Variants in TEAD3 observed in about 807,000 individuals in gnomAD.
The protein encoded by TEAD3 is transcriptional enhancer factor TEF-5.
In TEAD3, 15 loss-of-function variants were observed where a neutral mutation model predicts 55.6. The ratio of observed to expected loss-of-function variants is 0.27; its 90% CI spans 0.18 to 0.42. The LOEUF is 0.42. Among genes scored for constraint, TEAD3 ranks in the 10% least tolerant of loss-of-function variants. TEAD3 has a pLI of 1.00. For synonymous variants in TEAD3, 210 were observed against 232.2 expected (o/e 0.90, Z 0.87); for missense variants, 407 against 576.8 (o/e 0.71, Z 3.01).
At position 35,475,980 on chromosome 6, in the gene TEAD3, C is replaced by T; in HGVS notation, c.839G>A (p.Gly280Glu). 6.4e-7 allele frequency: 1 copy of T among 1,563,366 alleles called. No individual in the cohort carries two copies. The highest frequency in any genetic ancestry group is 8.6e-7 in the Non-Finnish European group (1 of 1,156,260). ...CTTCTCATAGAGCTCCTTCAATCCT[C>T]CCTTTTTCTCGGGGAATTTGTCATA... Residue 280 changes from glycine to glutamate, a missense_variant, in exon 10 of 13, where the codon GGA becomes GAA. By Grantham distance (98) the Gly-to-Glu change is moderately conservative. Transcript: ENST00000639578. This position sits in a 1 kb window ranked among gnomAD's most constrained non-coding sequence, Gnocchi z 5.4.
intron 1 of TEAD3, among the ~76,000 whole-genome samples, chr6:35,487,348 T>C (rs539543338): frequency 2.6e-5 from 4 of 152,208 alleles, no homozygotes; most frequent in Admixed American, 1.3e-4. Flanking sequence ...GGTCAGGTGT[T>C]TGAGACCAGA....
intron 1 of TEAD3, among the ~76,000 whole-genome samples, chr6:35,492,571 A>G (rs1019009483): frequency 6.6e-6 from 1 of 151,952 alleles, no homozygotes. Flanking sequence ...TGCAGAGCCC[A>G]CTAGGAGGGA....
Position 35,484,442 on chromosome 6 carries a change from G to T in TEAD3, c.267+118C>A. Reference sequence around the variant, plus strand: ...AGGGGAGTGTGATGAGGCAAGGAGGGTGGCAGTCCAGGTCAGGGGCAGCCT... The same window carrying T: ...AGGGGAGTGTGATGAGGCAAGGAGGTTGGCAGTCCAGGTCAGGGGCAGCCT... On this transcript the variant is annotated intron_variant, in intron 3 of 12. Coordinates refer to ENST00000639578, the Ensembl canonical transcript of TEAD3. The surrounding 1 kb of genome is among the most constrained non-coding windows in gnomAD (Gnocchi z 5.8). 3.2e-6 allele frequency: 3 copies of T among 932,400 alleles called. No homozygotes were observed. The highest frequency in any genetic ancestry group is 1.5e-5 in the South Asian group (1 of 67,144). The allele number at this position is 932,400 out of a possible 1,614,324, so 57.8% of individuals were successfully genotyped here.
At chr6:35,490,226 C>T (rs946272599) in intron 1 of TEAD3, among the ~76,000 whole-genome samples, 1 of 152,226 alleles carries the variant, frequency 6.6e-6, no homozygotes, top group Non-Finnish European at 1.5e-5. Context: ...CCGCCCCGCC[C>T]CCCGCGGGAG....
rs572348553 is a variant in TEAD3 at position 35,475,255 on chromosome 6, C to T, written c.1194+81G>A. On this transcript the variant is annotated intron_variant, in intron 12 of 12. Coordinates refer to ENST00000639578, the Ensembl canonical transcript of TEAD3. This position sits in a 1 kb window ranked among gnomAD's most constrained non-coding sequence, Gnocchi z 5.4. Reference sequence around the variant, plus strand: ...CATTCTCCTTTCCGGATCTATGCCTCTCAGCCAAGCGATGTGTCTGGCTAC... The same window carrying T: ...CATTCTCCTTTCCGGATCTATGCCTTTCAGCCAAGCGATGTGTCTGGCTAC... 1.2e-6 allele frequency: 2 copies of T among 1,602,484 alleles called. No homozygotes were observed. The highest frequency in any genetic ancestry group is 1.3e-5 in the African/African-American group (1 of 74,816).
rs1768204560 is a variant in TEAD3 at position 35,478,686 on chromosome 6, G to A, written c.343-115C>T. On this transcript the variant is annotated intron_variant, in intron 5 of 12. Transcript: ENST00000639578. ...AAGCACTAGGATGGCAGGTGTTCCT[G>A]AAGATCCAGGCCTGGATTCCAGCCC... 4.5e-6 allele frequency: 6 copies of A among 1,347,660 alleles called. No homozygotes were observed. The South Asian group carries it at 7.5e-5, about 17-fold the overall frequency. The allele number at this position is 1,347,660 out of a possible 1,614,324, so 83.5% of individuals were successfully genotyped here.
chr6:35,484,157 C>A lies in TEAD3; in HGVS notation c.267+403G>T, dbSNP rs1439282962. Among the ~76,000 whole-genome samples the A allele has an allele frequency of 6.6e-6, 1 of 152,174 alleles. No individual in the cohort carries two copies. Among genetic ancestry groups the A allele is most frequent in the African/African-American group, 2.4e-5 (1 of 41,434 alleles). ...GCTGCTTGTCCCAGGGTGCCCTGCA[C>A]CCACCCTCTCTCAGCCCCGCCACCT... On this transcript the variant is annotated intron_variant, in intron 3 of 12. Transcript: ENST00000639578. The surrounding 1 kb of genome is among the most constrained non-coding windows in gnomAD (Gnocchi z 5.8).
chr6:35,485,892 GC>G lies in TEAD3; in HGVS notation c.202+568del, dbSNP rs1212242027. 6.6e-6 allele frequency among the ~76,000 whole-genome samples: 1 copy of G among 152,200 alleles called. No homozygotes were observed. Among genetic ancestry groups the G allele is most frequent in the East Asian group, 1.9e-4 (1 of 5,176 alleles). On this transcript the variant is annotated intron_variant, in intron 2 of 12. Transcript: ENST00000639578. The surrounding 1 kb of genome is among the most constrained non-coding windows in gnomAD (Gnocchi z 4.3). The stretch of plus-strand genomic sequence containing the variant: ...ATCCCAAAAATGCAGCTCTGGGAGA[GC>G]CCTCTCAGGGCTGGACAAGAGGGGA...
intron 7 of TEAD3, among the ~76,000 whole-genome samples, 190 bp from the exon 8 acceptor site, chr6:35,477,562 G>A (rs918955279): frequency 1.6e-4 from 24 of 151,950 alleles, no homozygotes; most frequent in African/African-American, 5.1e-4. Flanking sequence ...ATCCTGCTGC[G>A]TCTCCCAGCT....
chr6:35,476,279 A>G, intron 9 of TEAD3, 23 bp downstream of exon 9: 1 of 1,608,618 alleles, frequency 6.2e-7, no homozygotes, highest in Non-Finnish European at 8.5e-7. Context: ...GCAAAGCCTC[A>G]CCCTCACCCC....
chr6:35,479,190 TA>T, intron 5 of TEAD3, 114 bp downstream of exon 5: 1 of 1,417,426 alleles, frequency 7.1e-7, no homozygotes, highest in South Asian at 1.2e-5. Context: ...TTCGTTTTTT[TA>T]AAATGAGGCT....
intron 1 of TEAD3, among the ~76,000 whole-genome samples, chr6:35,495,297 G>C (rs1351274668): frequency 6.6e-6 from 1 of 152,186 alleles, no homozygotes. Flanking sequence ...ATGGGAGCAG[G>C]GCTCAGGACC....
chr6:35,475,530 C>T lies in TEAD3; in HGVS notation c.1041+36G>A. 6.2e-7 allele frequency: 1 copy of T among 1,604,106 alleles called. No individual in the cohort carries two copies. The highest frequency in any genetic ancestry group is 1.7e-5 in the Admixed American group (1 of 59,676). On this transcript the variant is annotated intron_variant, in intron 11 of 12. Transcript: ENST00000639578. The surrounding 1 kb of genome is among the most constrained non-coding windows in gnomAD (Gnocchi z 5.4). Reference sequence around the variant, plus strand: ...GAAGGCGTCACTCGGCCTGCCTGCTCCCAGCCCCACCAAGCCACCCAGAGC... The same window carrying T: ...GAAGGCGTCACTCGGCCTGCCTGCTTCCAGCCCCACCAAGCCACCCAGAGC...
chr6:35,478,900 G>C (rs1157612254), intron 5 of TEAD3, among the ~76,000 whole-genome samples: 7 of 115,478 alleles, frequency 6.1e-5, no homozygotes, highest in Admixed American at 5.4e-4. Flanking sequence ...TTTTTTTTGA[G>C]ACGGAGTCTC....
At chr6:35,493,122 C>T (rs891075408) in intron 1 of TEAD3, among the ~76,000 whole-genome samples, 6 of 152,258 alleles carry the variant, frequency 3.9e-5, no homozygotes, top group South Asian at 2.1e-4. Context: ...TACACAGTTG[C>T]GTCACAGCCA....
rs374769894 is a variant in TEAD3 at position 35,475,104 on chromosome 6, G to A, written c.1248C>T (p.Phe416=). The change falls in exon 13 of 13, where the codon TTC becomes TTT. Residue 416 remains phenylalanine, a synonymous_variant. Coordinates refer to ENST00000639578, the Ensembl canonical transcript of TEAD3. This position sits in a 1 kb window ranked among gnomAD's most constrained non-coding sequence, Gnocchi z 5.4. ...CCCCGTGCTCACTGGTGGAGACTTC[G>A]AAGACAAAAGCAATGACAAGCAGGG... 30 of 1,597,642 alleles carry A rather than the reference G, an allele frequency of 1.9e-5. No individual in the cohort carries two copies. In the Middle Eastern group the frequency reaches 5.0e-4, roughly 26 times the overall value.
rs932817132 is a variant in TEAD3 at position 35,487,757 on chromosome 6, A to C, written c.-49-1046T>G. Among the ~76,000 whole-genome samples, 41 of 151,774 alleles carry C rather than the reference A, an allele frequency of 2.7e-4. No homozygotes were observed. In the East Asian group the frequency reaches 3.9e-3, roughly 14 times the overall value. ...AAAACAAAACACACAAAAACAAACA[A>C]ACAACAACAACAAAAAACACTAAAG... On this transcript the variant is annotated intron_variant, in intron 1 of 12. Transcript: ENST00000639578.
In TEAD3 at chr6:35,491,269, T is replaced by G. The variant is rs1431916019; in HGVS notation, c.-49-4558A>C. 5.1e-3 allele frequency among the ~76,000 whole-genome samples: 422 copies of G among 82,238 alleles called. No homozygotes were observed. Among genetic ancestry groups the G allele is most frequent in the Middle Eastern group, 0.012 (2 of 168 alleles). The allele number at this position is 82,238 out of a possible 152,430, so 54.0% of individuals were successfully genotyped here. A position where few individuals can be genotyped will look rare whatever the true frequency, so the allele number is the denominator to read the frequency against. On this transcript the variant is annotated intron_variant, in intron 1 of 12. Transcript: ENST00000639578. The surrounding 1 kb of genome is among the most constrained non-coding windows in gnomAD (Gnocchi z 4.4). ...ACTGACAGACAGAGCCGGTGGGGGGTGAAGGGAGAAGGGGAGAAGGAGGGC... is the reference window on the plus strand; with the variant it reads ...ACTGACAGACAGAGCCGGTGGGGGGGGAAGGGAGAAGGGGAGAAGGAGGGC...
At chr6:35,480,157 AAG>A (rs1413241870) in intron 3 of TEAD3, 153 bp downstream of exon 4, 24 of 1,547,716 alleles carry the variant, frequency 1.6e-5, no homozygotes, top group Middle Eastern at 1.7e-4. Context: ...AAAGAACAGA[AAG>A]AGCGGAAGGA....
Sources: allele counts gnomAD v4.1 joint callset (sites outside exome capture counted in the v4.1 genomes callset), GRCh38; gene constraint gnomAD v4.1.1; non-coding constraint Gnocchi (gnomAD v3.1); transcripts MANE v1.5; gene names NCBI Gene and HGNC (gene_info 2026-07-23, HGNC 2026-07-21).